The following TBCD variants were observed in gnomAD, a reference collection of about 807,000 sequenced individuals.
TBCD encodes tubulin-specific chaperone D.
In TBCD, 105 loss-of-function variants were observed where a neutral mutation model predicts 169.3. The observed-to-expected ratio is 0.62, with a 90% CI of 0.53 to 0.73. TBCD has a LOEUF of 0.73. TBCD is among the 30% of genes least tolerant of loss of function. The pLI is 0.00. For missense variants in TBCD, 1,444 were observed against 1,600.1 expected, an observed-to-expected ratio of 0.90 and a Z score of 1.66; for synonymous variants, 700 against 643.9, an observed-to-expected ratio of 1.09 and a Z score of -1.32.
intron 23 of TBCD, chr17:82,914,138 G>A (rs779796795): frequency 1.3e-5 from 2 of 152,380 alleles, no homozygotes; most frequent in Non-Finnish European, 2.9e-5. Flanking sequence ...AAGTAACCGT[G>A]GAACCTAAAC....
Position 82,922,653 on chromosome 17 carries a change from A to G in TBCD, c.2179-999A>G, listed in dbSNP as rs1268393996. Among the ~76,000 whole-genome samples the G allele has an allele frequency of 1.3e-5, 2 of 152,176 alleles. No individual in the cohort carries two copies. The highest frequency in any genetic ancestry group is 2.9e-5 in the Non-Finnish European group (2 of 68,034). ...AGTCCATGATTAATTCACACTGGCC[A>G]TGATGCTGGTGCACTTTGCCCCTGG... is the stretch of plus-strand genomic sequence containing the variant. On this transcript the variant is annotated intron_variant, in intron 25 of 38. Transcript: ENST00000355528. This position sits in a 1 kb window ranked among gnomAD's most constrained non-coding sequence, Gnocchi z 4.1.
intron 13 of TBCD, among the ~76,000 whole-genome samples, chr17:82,822,389 G>A (rs962840726): frequency 1.3e-5 from 2 of 152,224 alleles, no homozygotes; most frequent in African/African-American, 4.8e-5. Flanking sequence ...TAAGACTTGG[G>A]GAAGACCTCC....
intron 22 of TBCD, among the ~76,000 whole-genome samples, chr17:82,910,515 C>T (rs1414829470): frequency 6.6e-6 from 1 of 152,162 alleles, no homozygotes; most frequent in Non-Finnish European, 1.5e-5. Flanking sequence ...TTGTCACACA[C>T]AGGATCTGCC....
Position 82,939,475 on chromosome 17 carries a change from T to C in TBCD, c.3478T>C (p.Trp1160Arg). 1.2e-6 allele frequency: 2 copies of C among 1,612,420 alleles called. No individual in the cohort carries two copies. The highest frequency in any genetic ancestry group is 1.7e-6 in the Non-Finnish European group (2 of 1,179,282). The change falls in exon 37 of 39, where the codon TGG becomes CGG. Residue 1160 changes from tryptophan (W) to arginine (R), a missense_variant and splice_region_variant. By Grantham distance (101) the Trp-to-Arg change is moderately radical (BLOSUM62 -3). Transcript: ENST00000355528. ...GGTGACTGTGCTCAGTGACACTGCGTGGTGAGTGAAGGCCCTTCCTGCACG... is the reference window on the plus strand; with the variant it reads ...GGTGACTGTGCTCAGTGACACTGCGCGGTGAGTGAAGGCCCTTCCTGCACG... ...EVVTVLSDTAWDAELAVVREQ... is the reference protein window; with the variant it reads ...EVVTVLSDTARDAELAVVREQ...
chr17:82,760,159 C>T (rs1207672480), intron 2 of TBCD, among the ~76,000 whole-genome samples: 3 of 152,182 alleles, frequency 2.0e-5, no homozygotes, highest in African/African-American at 7.2e-5. Context: ...GAGGCGTGAG[C>T]CACCACGCCT....
chr17:82,819,789 G>A (rs1187914385), intron 13 of TBCD, among the ~76,000 whole-genome samples: 1 of 152,128 alleles, frequency 6.6e-6, no homozygotes, highest in African/African-American at 2.4e-5. Flanking sequence ...GACTTTTCTT[G>A]AGTGGTCCTG....
rs1568106672 is a variant in TBCD at position 82,939,492 on chromosome 17, TCCTGCACGGCCAC to T, written c.3479+18_3479+30del. The stretch of plus-strand genomic sequence containing the variant: ...ACACTGCGTGGTGAGTGAAGGCCCT[TCCTGCACGGCCAC>T]CTGGGCCTGGCACCGCCCCTCTTCC... On this transcript the variant is annotated intron_variant, in intron 37 of 38. Transcript: ENST00000355528. The T allele has an allele frequency of 6.2e-7, 1 of 1,601,062 alleles. No individual in the cohort carries two copies. Among genetic ancestry groups the T allele is most frequent in the Non-Finnish European group, 8.5e-7 (1 of 1,170,884 alleles).
At chr17:82,861,717 A>G (rs1335228884) in intron 13 of TBCD, among the ~76,000 whole-genome samples, 2 of 152,182 alleles carry the variant, frequency 1.3e-5, no homozygotes, top group Non-Finnish European at 2.9e-5. Context: ...TGGCCGTGGC[A>G]CATACCGGGC....
chr17:82,769,012 A>T (rs2048168190), intron 5 of TBCD, among the ~76,000 whole-genome samples: 1 of 152,236 alleles, frequency 6.6e-6, no homozygotes, highest in East Asian at 1.9e-4. Flanking sequence ...TCCTGATGTA[A>T]ATATTATGCA....
chr17:82,940,225 A>ACACACACACT (rs1555672989), intron 37 of TBCD, among the ~76,000 whole-genome samples: 1 of 140,018 alleles, frequency 7.1e-6, no homozygotes, highest in Non-Finnish European at 1.6e-5. Flanking sequence ...ACGCGCGCAC[A>ACACACACACT]CACACACACA....
chr17:82,925,984 AC>A lies in TBCD; in HGVS notation c.2380-414del, dbSNP rs34261638. Among the ~76,000 whole-genome samples the A allele has an allele frequency of 2.4e-3, 137 of 57,808 alleles. 15 individuals carry two copies. The highest frequency in any genetic ancestry group is 7.1e-3 in the South Asian group (8 of 1,122). The allele number at this position is 57,808 out of a possible 152,430, so 37.9% of individuals were successfully genotyped here. A position where few individuals can be genotyped will look rare whatever the true frequency, so the allele number is the denominator to read the frequency against. The stretch of plus-strand genomic sequence containing the variant: ...GGGGGCCGTGGAGAGGCTGGAGGTG[AC>A]CTCTCCCCGGGTGTCCTTCCTGGGT... On this transcript the variant is annotated intron_variant, in intron 27 of 38. Transcript: ENST00000355528.
chr17:82,803,333 C>T lies in TBCD; in HGVS notation c.950+2337C>T, dbSNP rs141833098. Among the ~76,000 whole-genome samples, 211 of 152,326 alleles carry T rather than the reference C, an allele frequency of 1.4e-3. 1 individual carries two copies. Among genetic ancestry groups the T allele is most frequent in the African/African-American group, 4.8e-3 (198 of 41,586 alleles). On this transcript the variant is annotated intron_variant, in intron 9 of 38. Coordinates refer to ENST00000355528, the MANE Select transcript of TBCD (RefSeq NM_005993.5). ...GCTTTCTCTCCCGTCCTGCTGGGCC[C>T]GGGTCTCCGGGGCCCTCTGAGGGTT...
At chr17:82,852,228 C>T (rs1191429259) in intron 13 of TBCD, among the ~76,000 whole-genome samples, 2 of 151,038 alleles carry the variant, frequency 1.3e-5, no homozygotes, top group East Asian at 3.9e-4. Context: ...TGAATGGAAC[C>T]GTGCCCCCTG....
intron 6 of TBCD, among the ~76,000 whole-genome samples, chr17:82,773,556 C>T (rs79465892): frequency 0.086 from 13,101 of 152,110 alleles, 1,490 homozygotes; most frequent in African/African-American, 0.26. Context: ...GTCTCCCTAC[C>T]GGGTGGCGCC....
chr17:82,892,320 C>A (rs2059198800), intron 16 of TBCD, among the ~76,000 whole-genome samples: 1 of 152,150 alleles, frequency 6.6e-6, no homozygotes, highest in South Asian at 2.1e-4. Context: ...GTGGCACCTG[C>A]TGTCTTTCTG....
At chr17:82,879,843 T>C (rs2058234793) in intron 14 of TBCD, among the ~76,000 whole-genome samples, 1 of 152,194 alleles carries the variant, frequency 6.6e-6, no homozygotes, top group South Asian at 2.1e-4. Context: ...TCTGGCTTCG[T>C]TGACTTGGCA....
chr17:82,817,577 G>A (rs1039040937), intron 13 of TBCD, among the ~76,000 whole-genome samples: 1 of 152,100 alleles, frequency 6.6e-6, no homozygotes, highest in Non-Finnish European at 1.5e-5. Flanking sequence ...GATTATAGGC[G>A]TGAGCTACTG....
chr17:82,882,290 T>C (rs2058410989), intron 14 of TBCD, among the ~76,000 whole-genome samples: 1 of 152,216 alleles, frequency 6.6e-6, no homozygotes, highest in Non-Finnish European at 1.5e-5. Flanking sequence ...CTTCAGTCTG[T>C]GCCCAGCACC....
intron 1 of TBCD, among the ~76,000 whole-genome samples, chr17:82,753,970 A>T (rs976566203): frequency 2.7e-5 from 4 of 146,224 alleles, no homozygotes; most frequent in Non-Finnish European, 6.0e-5. Flanking sequence ...TCCACCTCCC[A>T]GGTTCAAGTG....
Sources: gnomAD v4.1 joint callset for allele counts (sites outside exome capture counted in the v4.1 genomes callset) on GRCh38, gnomAD v4.1.1 for gene constraint, Gnocchi (gnomAD v3.1) non-coding constraint, MANE v1.5 for transcripts, NCBI Gene and HGNC (gene_info 2026-07-23, HGNC 2026-07-21) for gene names.